NELL1: variants seen among roughly 807,000 people sequenced by gnomAD.
The protein encoded by NELL1 is protein kinase C-binding protein NELL1.
A neutral mutation model predicts 107.4 loss-of-function variants in NELL1; 76 were observed. That is an observed-to-expected ratio of 0.71 (90% CI 0.59 to 0.86). The LOEUF is 0.86. Among genes scored for constraint, NELL1 ranks in the 40% least tolerant of loss-of-function variants. NELL1 has a pLI of 0.00. For missense variants in NELL1, 1,024 were observed against 1,005.5 expected (o/e 1.02, Z -0.25); for synonymous variants, 353 against 341.2 (o/e 1.03, Z -0.38).
At position 20,814,230 on chromosome 11, in the gene NELL1, G is replaced by A. The variant is rs527749450; in HGVS notation, c.335+30400G>A. ...AGGATGGTCTCGATCTCCTGACCTCGTGATCCGCCCGCCTCGGCCTCCCAA... is the reference window on the plus strand; with the variant it reads ...AGGATGGTCTCGATCTCCTGACCTCATGATCCGCCCGCCTCGGCCTCCCAA... On this transcript the variant is annotated intron_variant, in intron 3 of 19. Transcript: ENST00000357134. Among the ~76,000 whole-genome samples, 5 of 152,230 alleles carry A rather than the reference G, an allele frequency of 3.3e-5. No homozygotes were observed. In the East Asian group the frequency reaches 7.7e-4, roughly 24 times the overall value.
At chr11:20,755,334 C>G (rs942118196) in intron 2 of NELL1, among the ~76,000 whole-genome samples, 2 of 152,138 alleles carry the variant, frequency 1.3e-5, no homozygotes, top group African/African-American at 4.8e-5. Context: ...TAATGAAGAG[C>G]TGAGAGAAAT....
chr11:21,495,411 T>G (rs914238988), intron 15 of NELL1, among the ~76,000 whole-genome samples: 2 of 152,172 alleles, frequency 1.3e-5, no homozygotes, highest in Admixed American at 6.6e-5. Flanking sequence ...CATCAGTTTA[T>G]AGACATTAGG....
chr11:21,072,329 C>G (rs151191122), intron 12 of NELL1, among the ~76,000 whole-genome samples: 1 of 152,230 alleles, frequency 6.6e-6, no homozygotes, highest in Non-Finnish European at 1.5e-5. Context: ...AAAGAACAAT[C>G]CAAGTTGAAA....
intron 15 of NELL1, among the ~76,000 whole-genome samples, chr11:21,532,806 G>A (rs1856024755): frequency 6.6e-6 from 1 of 152,192 alleles, no homozygotes; most frequent in African/African-American, 2.4e-5. Flanking sequence ...TCAAAAAGCA[G>A]TGGGCTGATT....
intron 5 of NELL1, among the ~76,000 whole-genome samples, chr11:20,902,036 T>G (rs1046628214): frequency 2.0e-5 from 3 of 152,070 alleles, no homozygotes; most frequent in Non-Finnish European, 4.4e-5. Context: ...ATTAAATACC[T>G]AACTGAAAGC....
intron 4 of NELL1, among the ~76,000 whole-genome samples, chr11:20,865,923 G>A (rs1448151248): frequency 6.6e-6 from 1 of 152,086 alleles, no homozygotes; most frequent in African/African-American, 2.4e-5. Flanking sequence ...AGAAACCCTG[G>A]CTCACTCTCT....
intron 12 of NELL1, among the ~76,000 whole-genome samples, chr11:21,088,682 C>T (rs571536973): frequency 2.6e-5 from 4 of 152,092 alleles, no homozygotes; most frequent in African/African-American, 9.7e-5. Flanking sequence ...TAGTTTCTTA[C>T]CACGAACTGC....
At chr11:21,093,566 T>A (rs1854570351) in intron 12 of NELL1, among the ~76,000 whole-genome samples, 1 of 152,178 alleles carries the variant, frequency 6.6e-6, no homozygotes, top group Non-Finnish European at 1.5e-5. Context: ...GCTTTCATGC[T>A]GCTGATAAAG....
chr11:20,693,445 T>C (rs1460092407), intron 2 of NELL1, among the ~76,000 whole-genome samples: 1 of 152,188 alleles, frequency 6.6e-6, no homozygotes, highest in African/African-American at 2.4e-5. Context: ...TTTCCACATT[T>C]AGTGCTTCCT....
intron 10 of NELL1, among the ~76,000 whole-genome samples, chr11:20,943,609 C>A (rs778682858): frequency 2.4e-4 from 37 of 151,868 alleles, no homozygotes; most frequent in Non-Finnish European, 4.7e-4. Context: ...AAACAAAAAA[C>A]CATATTTATC....
intron 14 of NELL1, among the ~76,000 whole-genome samples, chr11:21,271,832 A>C (rs1448311177): frequency 6.6e-6 from 1 of 152,246 alleles, no homozygotes; most frequent in Non-Finnish European, 1.5e-5. Context: ...TTTGAAAATC[A>C]TTTGAATTGA....
chr11:21,433,539 C>T (rs34997168), intron 15 of NELL1, among the ~76,000 whole-genome samples: 1,525 of 152,130 alleles, frequency 0.01, 24 homozygotes, highest in African/African-American at 0.034. Context: ...CAACAGTATA[C>T]GTTATTTTTT....
At chr11:20,912,586 T>A (rs1354766141) in intron 5 of NELL1, among the ~76,000 whole-genome samples, 1 of 152,132 alleles carries the variant, frequency 6.6e-6, no homozygotes, top group African/African-American at 2.4e-5. Context: ...CAGGGAGACT[T>A]CATTCCAAAG....
chr11:21,113,556 T>C (rs571537074), intron 12 of NELL1, 33 bp from the exon 13 acceptor site: 5 of 1,597,220 alleles, frequency 3.1e-6, no homozygotes, highest in Non-Finnish European at 4.3e-6. Context: ...ATTATTTTGC[T>C]AACCATGATC....
intron 12 of NELL1, among the ~76,000 whole-genome samples, chr11:21,002,515 A>G (rs1852245667): frequency 6.6e-6 from 1 of 152,170 alleles, no homozygotes; most frequent in African/African-American, 2.4e-5. Context: ...AAAGATAGAT[A>G]GGATACTGCA....
At chr11:21,291,425 A>G (rs58028601) in intron 14 of NELL1, among the ~76,000 whole-genome samples, 64,990 of 151,600 alleles carry the variant, frequency 0.43, 14,170 homozygotes, top group South Asian at 0.65. Context: ...TTGAGATGAT[A>G]ATTAATAGAC....
intron 15 of NELL1, chr11:21,383,818 A>G (rs1353376347): frequency 6.6e-6 from 1 of 151,790 alleles, no homozygotes; most frequent in Non-Finnish European, 1.5e-5. Context: ...AATACCCAAT[A>G]TTACTAACTA....
intron 15 of NELL1, among the ~76,000 whole-genome samples, chr11:21,373,933 A>C (rs544124424): frequency 2.6e-5 from 4 of 152,076 alleles, no homozygotes; most frequent in Non-Finnish European, 4.4e-5. Context: ...AGGATGGAAA[A>C]GGGCTGCTGG....
intron 14 of NELL1, among the ~76,000 whole-genome samples, chr11:21,261,640 A>G (rs1848534457): frequency 6.6e-6 from 1 of 151,888 alleles, no homozygotes; most frequent in African/African-American, 2.4e-5. Context: ...GCTATTAATG[A>G]AAGAGCCAGG....
Sources: gnomAD v4.1 joint callset for allele counts (sites outside exome capture counted in the v4.1 genomes callset) on GRCh38, gnomAD v4.1.1 for gene constraint, MANE v1.5 for transcripts, NCBI Gene and HGNC (gene_info 2026-07-23, HGNC 2026-07-21) for gene names.